The following L2HGDH variants were observed in gnomAD, a reference collection of about 807,000 sequenced individuals.
L2HGDH encodes L-2-hydroxyglutarate dehydrogenase, mitochondrial.
Under a neutral mutation model 51.5 loss-of-function variants are expected in L2HGDH, and 34 were observed. The ratio of observed to expected loss-of-function variants is 0.66; its 90% CI spans 0.50 to 0.88. The LOEUF is 0.88. Among genes scored for constraint, L2HGDH ranks in the 40% least tolerant of loss-of-function variants. The probability of loss-of-function intolerance (pLI) is 0.00; values close to 1 mark genes in which losing one functional copy is unlikely to be tolerated. For missense variants in L2HGDH, 558 were observed against 571.9 expected, an observed-to-expected ratio of 0.98 and a Z score of 0.25; for synonymous variants, 198 against 197.9, an observed-to-expected ratio of 1.00 and a Z score of -0.01.
At chr14:50,301,722 G>GA (rs2030419218) in intron 3 of L2HGDH, among the ~76,000 whole-genome samples, 1 of 152,114 alleles carries the variant, frequency 6.6e-6, no homozygotes, top group East Asian at 1.9e-4. Context: ...TTGGGGTGAT[G>GA]AAAAAGCCTG....
intron 6 of L2HGDH, among the ~76,000 whole-genome samples, chr14:50,278,264 T>TA (rs1313730421): frequency 6.6e-6 from 1 of 152,174 alleles, no homozygotes; most frequent in Non-Finnish European, 1.5e-5. Context: ...GATAAAATAT[T>TA]AGTTTTGCCT....
chr14:50,257,753 T>A (rs187328224), intron 9 of L2HGDH, among the ~76,000 whole-genome samples: 22 of 151,764 alleles, frequency 1.4e-4, no homozygotes, highest in Non-Finnish European at 3.2e-4. Flanking sequence ...TAGTTCTTTT[T>A]TCTTTGGTTT....
At chr14:50,299,998 G>A (rs1334263211) in intron 3 of L2HGDH, 1 of 152,146 alleles carries the variant, frequency 6.6e-6, no homozygotes, top group Non-Finnish European at 1.5e-5. Context: ...TCATTTACAT[G>A]TAGAATCTCA....
chr14:50,298,502 A>T (rs2030211553), intron 3 of L2HGDH, among the ~76,000 whole-genome samples: 1 of 151,826 alleles, frequency 6.6e-6, no homozygotes, highest in Non-Finnish European at 1.5e-5. Flanking sequence ...TTTAGTAGAG[A>T]TGGGGTTTCT....
chr14:50,253,190 A>G (rs1888463132), intron 9 of L2HGDH, among the ~76,000 whole-genome samples: 1 of 152,150 alleles, frequency 6.6e-6, no homozygotes. Flanking sequence ...ATGGGATCAC[A>G]TCAAGTTAAA....
chr14:50,277,795 T>C (rs1890055393), intron 6 of L2HGDH, among the ~76,000 whole-genome samples: 1 of 145,364 alleles, frequency 6.9e-6, no homozygotes, highest in African/African-American at 2.6e-5. Flanking sequence ...ATAATAATAA[T>C]AATAATAATA....
rs1887890889 is a variant in L2HGDH, at chr14:50,243,773, C to T, written c.*3285G>A. The stretch of plus-strand genomic sequence containing the variant: ...TGTATACATGTGCCGTGCTGGTGTG[C>T]TGCACCCATTAACTCGTCATTTAGC... On this transcript the variant is annotated 3_prime_UTR_variant, in exon 10 of 10. Transcript: ENST00000267436. The T allele has an allele frequency of 6.7e-6, 1 of 150,024 alleles. No homozygotes were observed. The highest frequency in any genetic ancestry group is 2.0e-4 in the East Asian group (1 of 5,050). 9.3% of individuals were successfully genotyped at this position (150,024 alleles called of 1,614,324 possible). A position where few individuals can be genotyped will look rare whatever the true frequency, so the allele number is the denominator to read the frequency against.
In L2HGDH at chr14:50,256,161, G is replaced by A. The variant is rs145529517; in HGVS notation, c.1197-8908C>T. Among the ~76,000 whole-genome samples the A allele has an allele frequency of 8.2e-4, 125 of 152,158 alleles. 1 individual carries two copies. Among genetic ancestry groups the A allele is most frequent in the African/African-American group, 2.9e-3 (122 of 41,520 alleles). ...CGAAAAGCTGTAACAGGCATCTTCA[G>A]CCAGTTCCAAATACAATGAGACAAT... is the stretch of plus-strand genomic sequence containing the variant. On this transcript the variant is annotated intron_variant, in intron 9 of 9. Coordinates refer to ENST00000267436, the MANE Select transcript of L2HGDH (RefSeq NM_024884.3).
At chr14:50,292,777 A>G (rs1890952052) in intron 4 of L2HGDH, among the ~76,000 whole-genome samples, 1 of 151,572 alleles carries the variant, frequency 6.6e-6, no homozygotes, top group Non-Finnish European at 1.5e-5. Flanking sequence ...CCCAGCTACT[A>G]GAGAGGCCGA....
chr14:50,288,091 TCAAA>T (rs2139176203), intron 4 of L2HGDH, among the ~76,000 whole-genome samples: 1 of 152,328 alleles, frequency 6.6e-6, no homozygotes, highest in African/African-American at 2.4e-5. Context: ...ATCAATCACC[TCAAA>T]CATTTATAAT....
rs1302058679 is a variant in L2HGDH, at chr14:50,243,979, A to G, written c.*3079T>C. ...TAGTTTACTGAGAATGATGATTTCCAATTTCATCCATGTCCCTACAAAGGA... is the reference window on the plus strand; with the variant it reads ...TAGTTTACTGAGAATGATGATTTCCGATTTCATCCATGTCCCTACAAAGGA... On this transcript the variant is annotated 3_prime_UTR_variant, in exon 10 of 10. Transcript: ENST00000267436. 6.7e-6 allele frequency: 1 copy of G among 150,174 alleles called. No homozygotes were observed. The highest frequency in any genetic ancestry group is 1.5e-5 in the Non-Finnish European group (1 of 67,474). 9.3% of individuals were successfully genotyped at this position (150,174 alleles called of 1,614,324 possible). A position where few individuals can be genotyped will look rare whatever the true frequency, so the allele number is the denominator to read the frequency against.
chr14:50,289,257 C>G (rs1268177467), intron 4 of L2HGDH, among the ~76,000 whole-genome samples: 2 of 151,966 alleles, frequency 1.3e-5, no homozygotes, highest in Admixed American at 1.3e-4. Context: ...AATAGGCTAT[C>G]TCACTCTAAA....
intron 3 of L2HGDH, among the ~76,000 whole-genome samples, chr14:50,298,807 C>T (rs563912833): frequency 4.6e-5 from 7 of 152,172 alleles, no homozygotes; most frequent in South Asian, 2.1e-4. Flanking sequence ...AGAAAGACAA[C>T]ATACCAAAAC....
chr14:50,271,556 T>C (rs1269638225), intron 6 of L2HGDH, among the ~76,000 whole-genome samples: 1 of 152,198 alleles, frequency 6.6e-6, no homozygotes, highest in East Asian at 1.9e-4. Flanking sequence ...AAAATTTCTT[T>C]TAGGCTTGGC....
Position 50,312,024 on chromosome 14 carries a change from TGCG to T in L2HGDH, c.124_126del (p.Arg42del). ...GCGGCCACTCACCTGGTGCTGGCGC[TGCG>T]GCTACCTCCACACAGCGGTCTTGGC... On this transcript the variant is annotated inframe_deletion, in exon 1 of 10. Transcript: ENST00000267436. The T allele has an allele frequency of 1.3e-6, 2 of 1,570,666 alleles. No homozygotes were observed. Among genetic ancestry groups the T allele is most frequent in the Non-Finnish European group, 1.7e-6 (2 of 1,160,474 alleles).
chr14:50,247,270 T>A lies in L2HGDH; in HGVS notation c.1197-17A>T, dbSNP rs1192959983. 2 of 1,610,094 alleles carry A rather than the reference T, an allele frequency of 1.2e-6. No individual in the cohort carries two copies. The highest frequency in any genetic ancestry group is 1.7e-6 in the Non-Finnish European group (2 of 1,177,858). On this transcript the variant is annotated splice_polypyrimidine_tract_variant and intron_variant, in intron 9 of 9. Coordinates refer to ENST00000267436, the MANE Select transcript of L2HGDH (RefSeq NM_024884.3). ...GCTGGGCCCCTGCAAAAGTAAAAGA[T>A]GGGAGTCAGCTGACTCAAAGACATA...
chr14:50,267,143 A>ATTTT (rs1354410476), intron 8 of L2HGDH, among the ~76,000 whole-genome samples: 3 of 140,688 alleles, frequency 2.1e-5, no homozygotes, highest in South Asian at 2.3e-4. Context: ...TCTTCTTTTT[A>ATTTT]TTTTTATTTA....
chr14:50,285,932 A>G (rs1485396228), intron 4 of L2HGDH, among the ~76,000 whole-genome samples: 1 of 152,084 alleles, frequency 6.6e-6, no homozygotes, highest in Middle Eastern at 3.2e-3. Flanking sequence ...TGTGTGTTGT[A>G]GAAAGGTGAA....
At chr14:50,282,605 C>G (rs1890332658) in intron 5 of L2HGDH, 1 of 438,522 alleles carries the variant, frequency 2.3e-6, no homozygotes, top group Non-Finnish European at 4.6e-6. Flanking sequence ...CCACTCACTA[C>G]TTGTACAACC....
Sources: allele counts gnomAD v4.1 joint callset (sites outside exome capture counted in the v4.1 genomes callset), GRCh38; gene constraint gnomAD v4.1.1; transcripts MANE v1.5; gene names NCBI Gene and HGNC (gene_info 2026-07-23, HGNC 2026-07-21).